The following IL12RB2 variants were observed in gnomAD, a reference collection of about 807,000 sequenced individuals.
IL12RB2 encodes interleukin 12 receptor subunit beta 2, also known as interleukin-12 receptor subunit beta-2.
A neutral mutation model predicts 89.4 loss-of-function variants in IL12RB2; 82 were observed. The ratio of observed to expected loss-of-function variants is 0.92; its 90% CI spans 0.77 to 1.10. The LOEUF is 1.10. IL12RB2 is among the 50% of genes least tolerant of loss of function. IL12RB2 has a pLI of 0.00. For synonymous variants in IL12RB2, 368 were observed against 370.1 expected, an observed-to-expected ratio of 0.99 and a Z score of 0.07; for missense variants, 963 against 1,031.9, an observed-to-expected ratio of 0.93 and a Z score of 0.92.
intron 8 of IL12RB2, among the ~76,000 whole-genome samples, chr1:67,337,918 G>A (rs66748523): frequency 2.7e-4 from 35 of 129,966 alleles, no homozygotes; most frequent in East Asian, 6.4e-4. Flanking sequence ...AAAAAAAAAA[G>A]AAAAGAAAAG....
intron 9 of IL12RB2, among the ~76,000 whole-genome samples, chr1:67,341,875 G>C (rs1448889582): frequency 1.3e-5 from 2 of 152,232 alleles, no homozygotes; most frequent in Non-Finnish European, 1.5e-5. Flanking sequence ...CAGAACCACA[G>C]AGTTATAGAC....
chr1:67,359,031 C>T (rs1021939124), intron 10 of IL12RB2, among the ~76,000 whole-genome samples: 1 of 152,058 alleles, frequency 6.6e-6, no homozygotes, highest in East Asian at 1.9e-4. Flanking sequence ...GTTCCAGCTA[C>T]TCAAGAGGCT....
rs1664594041 is a variant in IL12RB2 at position 67,381,703 on chromosome 1, T to C, written c.1855+1580T>C. ...ATGGCATAAACCCAGGAGGCGGAGC[T>C]TGCAGTGAGCCGAGATGGCACCACT... On this transcript the variant is annotated intron_variant, in intron 14 of 16. Transcript: ENST00000674203. Among the ~76,000 whole-genome samples the C allele has an allele frequency of 2.6e-5, 4 of 151,572 alleles. No homozygotes were observed. In the South Asian group the frequency reaches 8.3e-4, roughly 32 times the overall value.
chr1:67,382,326 A>C (rs1273915739), intron 14 of IL12RB2, among the ~76,000 whole-genome samples: 1 of 152,234 alleles, frequency 6.6e-6, no homozygotes, highest in Middle Eastern at 3.2e-3. Flanking sequence ...GGGTCCTAAC[A>C]GGTCTCTGGC....
rs926064002 is a variant in IL12RB2 at position 67,330,603 on chromosome 1, T to C, written c.808-57T>C. On this transcript the variant is annotated intron_variant, in intron 7 of 16. Transcript: ENST00000674203. ...TTTTTTTTTTCATTTTATGTTAAAA[T>C]TCCTTAAATTAGCAATCTAGTATTA... 9.8e-6 allele frequency: 8 copies of C among 819,130 alleles called. No individual in the cohort carries two copies. In the African/African-American group the frequency reaches 1.2e-4, roughly 12 times the overall value. 50.7% of individuals were successfully genotyped at this position (819,130 alleles called of 1,614,324 possible).
At chr1:67,355,788 A>G (rs929227300) in intron 10 of IL12RB2, among the ~76,000 whole-genome samples, 7 of 152,240 alleles carry the variant, frequency 4.6e-5, no homozygotes, top group African/African-American at 1.7e-4. Flanking sequence ...TTGAAAGGTG[A>G]CAGGGAGAAG....
chr1:67,380,336 G>A (rs752866843), intron 14 of IL12RB2, among the ~76,000 whole-genome samples: 5 of 151,940 alleles, frequency 3.3e-5, no homozygotes, highest in South Asian at 2.1e-4. Context: ...AAAATTTATC[G>A]GAAATCCTTC....
chr1:67,319,050 C>A (rs1245555263), intron 2 of IL12RB2, among the ~76,000 whole-genome samples: 1 of 152,172 alleles, frequency 6.6e-6, no homozygotes, highest in Non-Finnish European at 1.5e-5. Flanking sequence ...TTCCTAGAAC[C>A]CCACAGGGAC....
intron 1 of IL12RB2, among the ~76,000 whole-genome samples, chr1:67,310,278 G>T (rs1353384894): frequency 6.7e-6 from 1 of 149,834 alleles, no homozygotes; most frequent in Non-Finnish European, 1.5e-5. Flanking sequence ...CTTCGCTAGT[G>T]TAACAGTGGT....
intron 8 of IL12RB2, among the ~76,000 whole-genome samples, chr1:67,332,216 G>A (rs951839062): frequency 5.5e-5 from 4 of 73,378 alleles, no homozygotes; most frequent in African/African-American, 1.7e-4. Context: ...TGTATTAATT[G>A]CATTTTTTTT....
In IL12RB2 at chr1:67,329,564, T is replaced by C. The variant is rs199980983; in HGVS notation, c.665-23T>C. On this transcript the variant is annotated intron_variant, in intron 6 of 16. Coordinates refer to ENST00000674203, the MANE Select transcript of IL12RB2 (RefSeq NM_001374259.2). ...CTGATCACAGATCCTGAACCACACTTTTTTGTTTGTCCTGGTTACTAGTGA... is the reference window on the plus strand; with the variant it reads ...CTGATCACAGATCCTGAACCACACTCTTTTGTTTGTCCTGGTTACTAGTGA... 21 of 1,508,502 alleles carry C rather than the reference T, an allele frequency of 1.4e-5. No homozygotes were observed. In the African/African-American group the frequency reaches 2.7e-4, roughly 20 times the overall value. The allele number at this position is 1,508,502 out of a possible 1,614,324, so 93.4% of individuals were successfully genotyped here. A position where few individuals can be genotyped will look rare whatever the true frequency, so the allele number is the denominator to read the frequency against.
chr1:67,386,668 A>AAGTG lies in IL12RB2; in HGVS notation c.1946+3_1946+6dup, dbSNP rs772863873. 10 of 1,599,178 alleles carry AAGTG rather than the reference A, an allele frequency of 6.3e-6. No homozygotes were observed. The African/African-American group carries it at 9.4e-5, about 15-fold the overall frequency. On this transcript the variant is annotated stop_gained and frameshift_variant and splice_region_variant, in exon 15 of 17. Transcript: ENST00000674203. LOFTEE classifies it high-confidence loss of function. The stretch of plus-strand genomic sequence containing the variant: ...TTTCTCAACGCATTACTTCCAGCAA[A>AAGTG]AGTGAGTTGGTTACACCTACCAAGT...
intron 2 of IL12RB2, among the ~76,000 whole-genome samples, chr1:67,318,002 G>A (rs1296897694): frequency 6.6e-6 from 1 of 152,200 alleles, no homozygotes; most frequent in Non-Finnish European, 1.5e-5. Context: ...GCGTCGGAGG[G>A]ATAGAGACAG....
intron 14 of IL12RB2, 24 bp downstream of exon 14, chr1:67,380,147 T>C (rs1322897153): frequency 6.2e-7 from 1 of 1,613,258 alleles, no homozygotes; most frequent in Non-Finnish European, 8.5e-7. Context: ...TTAAGGATGA[T>C]GAGTCCACCC....
chr1:67,390,611 T>C, intron 16 of IL12RB2, among the ~76,000 whole-genome samples: 1 of 152,054 alleles, frequency 6.6e-6, no homozygotes, highest in Middle Eastern at 3.2e-3. Context: ...AGCCAGTACA[T>C]CATTCCATTG....
chr1:67,370,695 T>C (rs770103155), intron 11 of IL12RB2, among the ~76,000 whole-genome samples: 6 of 152,160 alleles, frequency 3.9e-5, no homozygotes, highest in Non-Finnish European at 8.8e-5. Flanking sequence ...ATGGGCTTCA[T>C]ACACTGAAGG....
chr1:67,393,030 A>G (rs11588050), intron 16 of IL12RB2, among the ~76,000 whole-genome samples: 100,428 of 152,096 alleles, frequency 0.66, 33,789 homozygotes, highest in South Asian at 0.73. Flanking sequence ...CGAGGATGAA[A>G]GCCTTGAGAC....
At position 67,321,866 on chromosome 1, in the gene IL12RB2, G is replaced by A. The variant is rs1484751047; in HGVS notation, c.341G>A (p.Cys114Tyr). 1 of 1,613,946 alleles carries A rather than the reference G, an allele frequency of 6.2e-7. No individual in the cohort carries two copies. Among genetic ancestry groups the A allele is most frequent in the Non-Finnish European group, 8.5e-7 (1 of 1,179,864 alleles). ...ATCAATAGTGATGAAATTCAAATAT[G>A]TGGAGCAGAGATCTTCGTTGGTGGT... ...ACINSDEIQI[C>Y]GAEIFVGVAP... Residue 114 changes from cysteine to tyrosine, a missense_variant, in exon 4 of 17, where the codon TGT (cysteine) becomes TAT (tyrosine). Transcript: ENST00000674203.
chr1:67,322,920 C>G (rs1656771519), intron 4 of IL12RB2, among the ~76,000 whole-genome samples: 1 of 152,206 alleles, frequency 6.6e-6, no homozygotes, highest in Non-Finnish European at 1.5e-5. Context: ...ATCCTATAAG[C>G]AAGCATGGGC....
Sources: allele counts gnomAD v4.1 joint callset (sites outside exome capture counted in the v4.1 genomes callset), GRCh38; gene constraint gnomAD v4.1.1; transcripts MANE v1.5; gene names NCBI Gene and HGNC (gene_info 2026-07-23, HGNC 2026-07-21).